Variants in DNAJA1 observed in about 807,000 individuals in gnomAD.
The protein encoded by DNAJA1 is dnaJ homolog subfamily A member 1.
Under a neutral mutation model 47.6 loss-of-function variants are expected in DNAJA1, and 26 were observed. That is an observed-to-expected ratio of 0.55 (90% CI 0.40 to 0.76). DNAJA1 has a LOEUF of 0.76. Among genes scored for constraint, DNAJA1 ranks in the 30% least tolerant of loss-of-function variants. The pLI, the probability that DNAJA1 is intolerant of heterozygous loss-of-function variation, is 0.00. For synonymous variants in DNAJA1, 165 were observed against 158.4 expected, an observed-to-expected ratio of 1.04 and a Z score of -0.31; for missense variants, 315 against 485.0, an observed-to-expected ratio of 0.65 and a Z score of 3.29.
intron 6 of DNAJA1, 83 bp from the exon 7 acceptor site, chr9:33,036,491 T>C (rs2119395135): frequency 1.2e-6 from 1 of 846,612 alleles, no homozygotes; most frequent in East Asian, 2.6e-5. Flanking sequence ...CCTTTGCTTT[T>C]ATTAAACAAA....
At chr9:33,036,987 A>C (rs781312957) in intron 7 of DNAJA1, 28 bp from the exon 8 acceptor site, 6 of 1,585,940 alleles carry the variant, frequency 3.8e-6, no homozygotes, top group Non-Finnish European at 5.2e-6. Context: ...ACCATACTTA[A>C]GGAAGAACTT....
chr9:33,037,028 G>A lies in DNAJA1; in HGVS notation c.888G>A (p.Lys296=). The change falls in exon 8 of 9, where the codon AAG becomes AAA. Residue 296 remains lysine (K), a synonymous_variant. Coordinates refer to ENST00000330899, the MANE Select transcript of DNAJA1 (RefSeq NM_001539.4). Reference sequence around the variant, plus strand: ...CAATGTTTTTAGGTCAGATTGTCAAGCATGGAGATATCAAGTGTGTACTAA... The same window carrying A: ...CAATGTTTTTAGGTCAGATTGTCAAACATGGAGATATCAAGTGTGTACTAA... ...VITSHPGQIV[K]HGDIKCVLNE... 1 of 1,610,628 alleles carries A rather than the reference G, an allele frequency of 6.2e-7. No homozygotes were observed. Among genetic ancestry groups the A allele is most frequent in the Non-Finnish European group, 8.5e-7 (1 of 1,179,200 alleles).
chr9:33,034,208 G>A lies in DNAJA1; in HGVS notation c.644-8G>A. 1 of 1,565,742 alleles carries A rather than the reference G, an allele frequency of 6.4e-7. No individual in the cohort carries two copies. The highest frequency in any genetic ancestry group is 2.3e-5 in the East Asian group (1 of 44,316). ...AATAAAAGTACAAAATTAATGTTTT[G>A]TTTTTAGGCATGAAAGATGGCCAGA... On this transcript the variant is annotated splice_region_variant and splice_polypyrimidine_tract_variant and intron_variant, in intron 5 of 8. Coordinates refer to ENST00000330899, the MANE Select transcript of DNAJA1 (RefSeq NM_001539.4).
At chr9:33,025,446 G>C (rs1008618838) in intron 1 of DNAJA1, 63 bp downstream of exon 1, 1 of 152,656 alleles carries the variant, frequency 6.6e-6, no homozygotes, top group Non-Finnish European at 1.5e-5. Flanking sequence ...CCGGGAAACC[G>C]ATGGAGCCGC....
rs190746264 is a variant in DNAJA1, at chr9:33,029,613, T to C, written c.311-272T>C. On this transcript the variant is annotated intron_variant, in intron 3 of 8. Coordinates refer to ENST00000330899, the MANE Select transcript of DNAJA1 (RefSeq NM_001539.4). ...TTTTCTCAAGTGACTTTGAAGGTAATGCTTTTGCTTACCATATTTCCAAGA... is the reference window on the plus strand; with the variant it reads ...TTTTCTCAAGTGACTTTGAAGGTAACGCTTTTGCTTACCATATTTCCAAGA... 3.1e-3 allele frequency among the ~76,000 whole-genome samples: 475 copies of C among 152,360 alleles called. 2 individuals carry two copies. The highest frequency in any genetic ancestry group is 5.7e-3 in the Non-Finnish European group (390 of 68,024).
rs776725907 is a variant in DNAJA1 at position 33,036,706 on chromosome 9, A to T, written c.874+17A>T. The T allele has an allele frequency of 7.1e-6, 11 of 1,559,478 alleles. No homozygotes were observed. The highest frequency in any genetic ancestry group is 1.7e-5 in the Admixed American group (1 of 57,836). On this transcript the variant is annotated intron_variant, in intron 7 of 8. Transcript: ENST00000330899. The stretch of plus-strand genomic sequence containing the variant: ...CTCATCCAGGTATGGGAACTAGGCA[A>T]GCTTAAACTTCTCTTTTCTATTCTA...
In DNAJA1 at chr9:33,039,335, C is replaced by G. The variant is rs1839083613; in HGVS notation, c.*432C>G. Reference sequence around the variant, plus strand: ...TAGAGAAGTGTTGGTCTGTATAGTTCTTTATATTAAGTGGGATTCATTGTA... The same window carrying G: ...TAGAGAAGTGTTGGTCTGTATAGTTGTTTATATTAAGTGGGATTCATTGTA... On this transcript the variant is annotated 3_prime_UTR_variant, in exon 9 of 9. Transcript: ENST00000330899. 1.3e-5 allele frequency: 2 copies of G among 157,542 alleles called. No individual in the cohort carries two copies. Among genetic ancestry groups the G allele is most frequent in the Admixed American group, 6.2e-5 (1 of 16,116 alleles). 9.8% of individuals were successfully genotyped at this position (157,542 alleles called of 1,614,324 possible).
intron 3 of DNAJA1, among the ~76,000 whole-genome samples, chr9:33,028,500 T>C (rs79488152): frequency 6.6e-6 from 1 of 152,194 alleles, no homozygotes; most frequent in East Asian, 1.9e-4. Flanking sequence ...TTTGGGAAAT[T>C]GTTTATTCAG....
intron 8 of DNAJA1, 110 bp from the exon 9 acceptor site, chr9:33,038,575 T>C: frequency 2.1e-6 from 2 of 957,370 alleles, no homozygotes; most frequent in Non-Finnish European, 3.1e-6. Context: ...ATTGGCAGAT[T>C]CACCTAAATA....
intron 6 of DNAJA1, among the ~76,000 whole-genome samples, chr9:33,034,937 A>G (rs1734686975): frequency 6.6e-6 from 1 of 151,740 alleles, no homozygotes; most frequent in African/African-American, 2.4e-5. Flanking sequence ...CAGGAGTCCT[A>G]GCTACTGGGG....
chr9:33,035,758 C>T (rs748950163), intron 6 of DNAJA1, among the ~76,000 whole-genome samples: 5 of 152,116 alleles, frequency 3.3e-5, no homozygotes, highest in East Asian at 1.9e-4. Context: ...CATGAGCCAC[C>T]GCGCCCAGCC....
chr9:33,038,560 C>A, intron 8 of DNAJA1, 125 bp from the exon 9 acceptor site: 2 of 833,786 alleles, frequency 2.4e-6, no homozygotes, highest in Non-Finnish European at 3.7e-6. Flanking sequence ...CTGTTCTAAC[C>A]TGAGATTGGC....
Position 33,039,027 on chromosome 9 carries a change from T to C in DNAJA1, c.*124T>C. 2.2e-6 allele frequency: 2 copies of C among 928,354 alleles called. No homozygotes were observed. The highest frequency in any genetic ancestry group is 3.2e-6 in the Non-Finnish European group (2 of 628,128). The allele number at this position is 928,354 out of a possible 1,614,324, so 57.5% of individuals were successfully genotyped here. A position where few individuals can be genotyped will look rare whatever the true frequency, so the allele number is the denominator to read the frequency against. On this transcript the variant is annotated 3_prime_UTR_variant, in exon 9 of 9. Transcript: ENST00000330899. ...GTTTTAATAAACTATAGTAGTGTTT[T>C]AAAAAGTTAAATGAAGAATAAACGC... is the stretch of plus-strand genomic sequence containing the variant.
At position 33,026,884 on chromosome 9, in the gene DNAJA1, A is replaced by C; in HGVS notation, c.204A>C (p.Gly68=). 6.2e-7 allele frequency: 1 copy of C among 1,614,222 alleles called. No homozygotes were observed. The highest frequency in any genetic ancestry group is 1.6e-4 in the Middle Eastern group (1 of 6,062). Residue 68 remains glycine (G), a synonymous_variant, in exon 3 of 9, where the codon GGA becomes GGC. Transcript: ENST00000330899. ...AAAGGGAATTATATGACAAAGGAGG[A>C]GAACAGGCAATTAAAGAGGGTGGAG... ...AKKRELYDKG[G]EQAIKEGGAG... is the part of the protein sequence containing the mutation.
At chr9:33,025,555 C>G (rs958443010) in intron 1 of DNAJA1, among the ~76,000 whole-genome samples, 172 bp downstream of exon 1, 1 of 152,208 alleles carries the variant, frequency 6.6e-6, no homozygotes, top group African/African-American at 2.4e-5. Flanking sequence ...GCAACCCATC[C>G]CCGGCACGCA....
At chr9:33,028,306 T>A (rs1838907380) in intron 3 of DNAJA1, among the ~76,000 whole-genome samples, 1 of 152,228 alleles carries the variant, frequency 6.6e-6, no homozygotes, top group Admixed American at 6.5e-5. Context: ...TTTAATATGT[T>A]TATCAGGAAA....
intron 6 of DNAJA1, 55 bp from the exon 7 acceptor site, chr9:33,036,519 T>G: frequency 8.4e-7 from 1 of 1,195,154 alleles, no homozygotes; most frequent in Non-Finnish European, 1.2e-6. Context: ...CCTGCTTTGG[T>G]ACATCTACTG....
At chr9:33,034,426 A>T in intron 6 of DNAJA1, 96 bp downstream of exon 6, 1 of 822,826 alleles carries the variant, frequency 1.2e-6, no homozygotes, top group Admixed American at 2.7e-5. Context: ...GTTTTCCATT[A>T]CTCTTAGAAC....
At chr9:33,026,003 G>A (rs1193317578) in intron 1 of DNAJA1, among the ~76,000 whole-genome samples, 1 of 152,182 alleles carries the variant, frequency 6.6e-6, no homozygotes, top group Non-Finnish European at 1.5e-5. Context: ...GGCTTGCTGT[G>A]TGGAGCCAGT....
Sources: gnomAD v4.1 joint callset for allele counts (sites outside exome capture counted in the v4.1 genomes callset) on GRCh38, gnomAD v4.1.1 for gene constraint, MANE v1.5 for transcripts, NCBI Gene and HGNC (gene_info 2026-07-23, HGNC 2026-07-21) for gene names.